The following ZFHX4 variants were observed in gnomAD, a reference collection of about 807,000 sequenced individuals.
ZFHX4 encodes zinc finger homeobox protein 4.
ZFHX4 carries 56 observed loss-of-function variants against 267.6 expected under a neutral mutation model. That is an observed-to-expected ratio of 0.21 (90% CI 0.17 to 0.26). The LOEUF is 0.26. ZFHX4 is among the 10% of genes least tolerant of loss of function. The pLI is 1.00. For missense variants in ZFHX4, 4,332 were observed against 4,420.0 expected, an observed-to-expected ratio of 0.98 and a Z score of 0.56; for synonymous variants, 1,778 against 1,665.6, an observed-to-expected ratio of 1.07 and a Z score of -1.64.
chr8:76,737,090 A>G (rs556110654), intron 3 of ZFHX4, among the ~76,000 whole-genome samples: 1 of 152,264 alleles, frequency 6.6e-6, no homozygotes, highest in Non-Finnish European at 1.5e-5. Flanking sequence ...CAAATCCTAA[A>G]AATGGATTTA....
At chr8:76,777,775 T>C (rs1810436395) in intron 3 of ZFHX4, among the ~76,000 whole-genome samples, 1 of 152,124 alleles carries the variant, frequency 6.6e-6, no homozygotes, top group African/African-American at 2.4e-5. Context: ...TCATCTTAAC[T>C]ATGTTTAGCA....
At chr8:76,821,827 G>A (rs568249194) in intron 4 of ZFHX4, among the ~76,000 whole-genome samples, 72 of 152,278 alleles carry the variant, frequency 4.7e-4, no homozygotes, top group Non-Finnish European at 7.9e-4. Flanking sequence ...GACTGCTACA[G>A]TGCCCCCAGC....
chr8:76,860,906 A>G (rs1812848907), intron 10 of ZFHX4, among the ~76,000 whole-genome samples: 1 of 152,100 alleles, frequency 6.6e-6, no homozygotes, highest in African/African-American at 2.4e-5. Context: ...TTGCCAATAA[A>G]TTTTTATAAA....
At chr8:76,776,078 A>G (rs1362424933) in intron 3 of ZFHX4, among the ~76,000 whole-genome samples, 2 of 151,878 alleles carry the variant, frequency 1.3e-5, no homozygotes, top group African/African-American at 4.8e-5. Context: ...TGCTCCTTTT[A>G]TTGGTACCAT....
At chr8:76,788,269 G>T (rs1022638516) in intron 4 of ZFHX4, among the ~76,000 whole-genome samples, 9 of 152,056 alleles carry the variant, frequency 5.9e-5, no homozygotes, top group African/African-American at 1.9e-4. Flanking sequence ...AAGCACCATT[G>T]CTTCTTTGCT....
intron 4 of ZFHX4, among the ~76,000 whole-genome samples, chr8:76,810,758 C>A (rs1014261723): frequency 6.6e-6 from 1 of 152,060 alleles, no homozygotes; most frequent in East Asian, 1.9e-4. Context: ...AATAAAAGAA[C>A]AATTGTTGCA....
intron 1 of ZFHX4, among the ~76,000 whole-genome samples, chr8:76,695,254 A>AGG (rs1807927399): frequency 1.3e-5 from 2 of 152,192 alleles, no homozygotes; most frequent in African/African-American, 4.8e-5. Flanking sequence ...AGGTTCATCA[A>AGG]TTTCAAAACT....
At chr8:76,747,799 G>T (rs1032464432) in intron 3 of ZFHX4, among the ~76,000 whole-genome samples, 13 of 152,042 alleles carry the variant, frequency 8.6e-5, no homozygotes, top group African/African-American at 3.1e-4. Context: ...GGGCGTGGTG[G>T]CAAGCACCTG....
intron 4 of ZFHX4, among the ~76,000 whole-genome samples, chr8:76,808,931 T>A (rs1001268537): frequency 5.0e-4 from 75 of 150,808 alleles, no homozygotes; most frequent in African/African-American, 1.7e-3. Context: ...TCTCTCTCTC[T>A]CTCACACACA....
intron 3 of ZFHX4, among the ~76,000 whole-genome samples, chr8:76,750,528 A>G (rs1809586171): frequency 6.6e-6 from 1 of 152,130 alleles, no homozygotes; most frequent in East Asian, 1.9e-4. Flanking sequence ...TTACAAGGTA[A>G]AATGTAAAGG....
Position 76,853,096 on chromosome 8 carries a change from C to T in ZFHX4, c.6175C>T (p.Pro2059Ser), listed in dbSNP as rs1203017305. Residue 2059 changes from proline (P) to serine (S), a missense_variant, in exon 10 of 11, where the codon CCT (proline) becomes TCT (serine). Transcript: ENST00000651372. ...TCCTCCTCCTCCTCCCCCCCCACCT[C>T]CTCCACCTTCTGCTCCTCCACAGGT... is the stretch of plus-strand genomic sequence containing the variant. Reference protein sequence around the residue: ...PPPPPPPPPPPPPSAPPQVQL... With the variant: ...PPPPPPPPPPSPPSAPPQVQL... 1.4e-6 allele frequency: 2 copies of T among 1,433,864 alleles called. No homozygotes were observed. The highest frequency in any genetic ancestry group is 2.0e-5 in the Admixed American group (1 of 49,964). 88.8% of individuals were successfully genotyped at this position (1,433,864 alleles called of 1,614,324 possible).
At chr8:76,699,978 A>G (rs937941730) in intron 1 of ZFHX4, among the ~76,000 whole-genome samples, 3 of 152,008 alleles carry the variant, frequency 2.0e-5, no homozygotes, top group Non-Finnish European at 4.4e-5. Flanking sequence ...GATTAGATAT[A>G]TGTGCCGTTT....
intron 3 of ZFHX4, among the ~76,000 whole-genome samples, chr8:76,770,781 G>C (rs57629012): frequency 3.7e-4 from 57 of 152,182 alleles, no homozygotes; most frequent in African/African-American, 1.3e-3. Flanking sequence ...ACAGGTGAAG[G>C]GGGGAAGGTA....
At chr8:76,786,738 T>C (rs892857995) in intron 4 of ZFHX4, among the ~76,000 whole-genome samples, 1 of 152,180 alleles carries the variant, frequency 6.6e-6, no homozygotes, top group Non-Finnish European at 1.5e-5. Flanking sequence ...AAGCCCTGAA[T>C]AATTGTGTTC....
chr8:76,717,144 C>A (rs1652439796), intron 3 of ZFHX4, among the ~76,000 whole-genome samples: 1 of 152,150 alleles, frequency 6.6e-6, no homozygotes, highest in African/African-American at 2.4e-5. Context: ...AAGTTGTATT[C>A]ACTTGCTACT....
intron 3 of ZFHX4, among the ~76,000 whole-genome samples, chr8:76,734,169 A>G (rs1809096685): frequency 6.6e-6 from 1 of 152,188 alleles, no homozygotes; most frequent in Admixed American, 6.5e-5. Context: ...TATTTATAAA[A>G]CATACTTGTC....
intron 1 of ZFHX4, among the ~76,000 whole-genome samples, chr8:76,685,543 A>G (rs1483432545): frequency 1.3e-5 from 2 of 152,224 alleles, no homozygotes; most frequent in Non-Finnish European, 2.9e-5. Flanking sequence ...TGAAAATATA[A>G]TATATACGTT....
chr8:76,812,855 T>A (rs996472717), intron 4 of ZFHX4, among the ~76,000 whole-genome samples: 1 of 152,140 alleles, frequency 6.6e-6, no homozygotes, highest in Admixed American at 6.5e-5. Context: ...TATAGTTTTT[T>A]AAAAAAATGT....
intron 10 of ZFHX4, among the ~76,000 whole-genome samples, chr8:76,862,310 C>T (rs779874811): frequency 2.6e-5 from 4 of 152,260 alleles, no homozygotes; most frequent in South Asian, 2.1e-4. Context: ...ATCATGTTTG[C>T]GTACTACAAG....
Sources: allele counts gnomAD v4.1 joint callset (sites outside exome capture counted in the v4.1 genomes callset), GRCh38; gene constraint gnomAD v4.1.1; transcripts MANE v1.5; gene names NCBI Gene and HGNC (gene_info 2026-07-23, HGNC 2026-07-21).